The following SH3BP4 variants were observed in gnomAD, a reference collection of about 807,000 sequenced individuals.
SH3BP4 encodes SH3 domain binding protein 4, also known as SH3 domain-binding protein 4.
Under a neutral mutation model 65.5 loss-of-function variants are expected in SH3BP4, and 33 were observed. The observed-to-expected ratio is 0.50, with a 90% CI of 0.38 to 0.67. The LOEUF is 0.67. Among genes scored for constraint, SH3BP4 ranks in the 30% least tolerant of loss-of-function variants. SH3BP4 has a pLI of 0.00. For synonymous variants in SH3BP4, 552 were observed against 545.5 expected, an observed-to-expected ratio of 1.01 and a Z score of -0.17; for missense variants, 1,134 against 1,261.4, an observed-to-expected ratio of 0.90 and a Z score of 1.53.
intron 3 of SH3BP4, among the ~76,000 whole-genome samples, chr2:235,040,000 T>G (rs1695583284): frequency 6.6e-6 from 1 of 152,186 alleles, no homozygotes. Context: ...TTTGGGAGGC[T>G]GAGGCGGGAG....
chr2:235,028,824 A>G (rs763907455), intron 2 of SH3BP4, among the ~76,000 whole-genome samples: 6 of 152,198 alleles, frequency 3.9e-5, no homozygotes, highest in South Asian at 4.1e-4. Flanking sequence ...TTCTGGGCTG[A>G]GAGCACTGCA....
intron 4 of SH3BP4, among the ~76,000 whole-genome samples, chr2:235,051,765 C>T (rs920306470): frequency 1.1e-4 from 16 of 152,084 alleles, no homozygotes; most frequent in African/African-American, 1.9e-4. Context: ...CTTCTACCCG[C>T]GGTGCTCTCT....
At chr2:235,021,860 T>G (rs1694855292) in intron 2 of SH3BP4, among the ~76,000 whole-genome samples, 1 of 152,166 alleles carries the variant, frequency 6.6e-6, no homozygotes, top group African/African-American at 2.4e-5. Flanking sequence ...TGCATTAAGA[T>G]GACATCACAT....
chr2:235,004,462 C>T (rs1694229793), intron 2 of SH3BP4, among the ~76,000 whole-genome samples: 1 of 152,188 alleles, frequency 6.6e-6, no homozygotes, highest in African/African-American at 2.4e-5. Context: ...TGTGCAACCA[C>T]CACCTCTTAT....
chr2:235,032,856 A>C (rs191698247), intron 2 of SH3BP4, among the ~76,000 whole-genome samples: 20 of 152,254 alleles, frequency 1.3e-4, no homozygotes, highest in African/African-American at 1.9e-4. Context: ...GTTCTCCCCA[A>C]GGCGTAGTTC....
rs966427662 is a variant in SH3BP4 at position 235,042,338 on chromosome 2, G to A, written c.1569G>A (p.Leu523=). The change falls in exon 4 of 6, where the codon CTG becomes CTA. Residue 523 remains leucine (L), a synonymous_variant. Transcript: ENST00000392011. This position sits in a 1 kb window ranked among gnomAD's most constrained non-coding sequence, Gnocchi z 7.3. ...ACCCTGCCCCGGTGGCCCTGCAGCT[G>A]TGGGGGAAGCACCAGTTCGTTTTGT... is the stretch of plus-strand genomic sequence containing the variant. ...APNPAPVALQ[L]WGKHQFVLSR... 5.0e-6 allele frequency: 8 copies of A among 1,614,072 alleles called. No individual in the cohort carries two copies. The highest frequency in any genetic ancestry group is 1.6e-4 in the Middle Eastern group (1 of 6,084).
intron 1 of SH3BP4, among the ~76,000 whole-genome samples, chr2:234,965,036 C>T (rs916123817): frequency 1.5e-4 from 23 of 152,292 alleles, no homozygotes; most frequent in Non-Finnish European, 2.4e-4. Flanking sequence ...TCCCTCCCGG[C>T]CTGCTGTGAG....
chr2:235,052,411 A>C lies in SH3BP4; in HGVS notation c.2479-151A>C. On this transcript the variant is annotated intron_variant, in intron 4 of 5. Coordinates refer to ENST00000392011, the MANE Select transcript of SH3BP4 (RefSeq NM_014521.3). The surrounding 1 kb of genome is among the most constrained non-coding windows in gnomAD (Gnocchi z 5.0). ...TTTTCTCCCGTGAATCCTGGCAGTG[A>C]TCGATTTCAGGGGACATTTGGTAGT... The C allele has an allele frequency of 1.7e-6, 1 of 594,030 alleles. No homozygotes were observed. The allele number at this position is 594,030 out of a possible 1,614,324, so 36.8% of individuals were successfully genotyped here. A position where few individuals can be genotyped will look rare whatever the true frequency, so the allele number is the denominator to read the frequency against.
In SH3BP4 at chr2:235,041,500, C is replaced by T; in HGVS notation, c.731C>T (p.Ser244Phe). 2 of 1,614,192 alleles carry T rather than the reference C, an allele frequency of 1.2e-6. No homozygotes were observed. Among genetic ancestry groups the T allele is most frequent in the Non-Finnish European group, 1.7e-6 (2 of 1,180,044 alleles). Reference protein sequence around the residue: ...RDNPFFRSKRSYSLSELSVLQ... With the variant: ...RDNPFFRSKRFYSLSELSVLQ... ...AACCCCTTCTTCAGAAGCAAGCGCT[C>T]CTACAGTCTCTCGGAACTCTCCGTC... The change falls in exon 4 of 6, where the codon TCC (serine) becomes TTC (phenylalanine). Residue 244 changes from serine to phenylalanine, a missense_variant. Ser to Phe is a radical substitution (Grantham distance 155). Coordinates refer to ENST00000392011, the MANE Select transcript of SH3BP4 (RefSeq NM_014521.3). The surrounding 1 kb of genome is among the most constrained non-coding windows in gnomAD (Gnocchi z 6.0).
chr2:234,998,566 T>C (rs1266770175), intron 2 of SH3BP4, among the ~76,000 whole-genome samples: 1 of 152,214 alleles, frequency 6.6e-6, no homozygotes, highest in African/African-American at 2.4e-5. Flanking sequence ...TTGGTTTTGG[T>C]TTCGAGGTGA....
chr2:234,968,603 A>C (rs1035803961), intron 1 of SH3BP4, among the ~76,000 whole-genome samples: 1 of 152,012 alleles, frequency 6.6e-6, no homozygotes, highest in African/African-American at 2.4e-5. Flanking sequence ...AGTTAAATGA[A>C]GCTTGATTAT....
rs549079180 is a variant in SH3BP4, at chr2:235,025,340, C to T, written c.-132-9531C>T. Reference sequence around the variant, plus strand: ...GTCTGCGGACTTCCAGTCCCATCCACACCCAGAAGACATGGTGGGGGCCCC... The same window carrying T: ...GTCTGCGGACTTCCAGTCCCATCCATACCCAGAAGACATGGTGGGGGCCCC... On this transcript the variant is annotated intron_variant, in intron 2 of 5. Transcript: ENST00000392011. Among the ~76,000 whole-genome samples the T allele has an allele frequency of 9.8e-4, 149 of 152,338 alleles. 3 individuals carry two copies. The South Asian group carries it at 0.02, about 20-fold the overall frequency.
intron 3 of SH3BP4, among the ~76,000 whole-genome samples, chr2:235,036,740 A>AAAAAAAAATAATAATAAGAATAAT (rs146049108): frequency 7.1e-6 from 1 of 141,740 alleles, no homozygotes; most frequent in African/African-American, 2.7e-5. Context: ...TCTATATAAA[A>AAAAAAAAATAATAATAAGAATAAT]AATAATAATA....
rs1694225372 is a variant in SH3BP4, at chr2:235,004,321, A to G, written c.-133+8945A>G. ...CGCCTCGGTGGCACTGGACCTCTTT[A>G]GAGTGGCTTTGCTTCTTTACAGGGT... On this transcript the variant is annotated intron_variant, in intron 2 of 5. Coordinates refer to ENST00000392011, the MANE Select transcript of SH3BP4 (RefSeq NM_014521.3). Among the ~76,000 whole-genome samples, 2 of 152,140 alleles carry G rather than the reference A, an allele frequency of 1.3e-5. 1 individual carries two copies. The highest frequency in any genetic ancestry group is 4.1e-4 in the South Asian group (2 of 4,822).
intron 1 of SH3BP4, among the ~76,000 whole-genome samples, chr2:234,992,071 G>A (rs1452378496): frequency 3.3e-5 from 5 of 152,238 alleles, no homozygotes; most frequent in African/African-American, 1.2e-4. Flanking sequence ...GCTCCAGAGG[G>A]CTTGCAGGGC....
rs1695350499 is a variant in SH3BP4, at chr2:235,035,495, CT to C, written c.118+379del. ...TAGCTTCGGGGAGAGGTCAGCAAAC[CT>C]TTTCTCCAAACAGTCTGATGGGAAA... is the stretch of plus-strand genomic sequence containing the variant. On this transcript the variant is annotated intron_variant, in intron 3 of 5. Coordinates refer to ENST00000392011, the MANE Select transcript of SH3BP4 (RefSeq NM_014521.3). The surrounding 1 kb of genome is among the most constrained non-coding windows in gnomAD (Gnocchi z 5.0). Among the ~76,000 whole-genome samples, 1 of 152,190 alleles carries C rather than the reference CT, an allele frequency of 6.6e-6. No homozygotes were observed. Among genetic ancestry groups the C allele is most frequent in the Admixed American group, 6.5e-5 (1 of 15,280 alleles).
Position 235,035,467 on chromosome 2 carries a change from A to G in SH3BP4, c.118+347A>G, listed in dbSNP as rs577353483. Among the ~76,000 whole-genome samples the G allele has an allele frequency of 5.9e-5, 9 of 152,328 alleles. No homozygotes were observed. In the East Asian group the frequency reaches 1.2e-3, roughly 20 times the overall value. On this transcript the variant is annotated intron_variant, in intron 3 of 5. Transcript: ENST00000392011. This position sits in a 1 kb window ranked among gnomAD's most constrained non-coding sequence, Gnocchi z 5.0. ...ATTGAGAACCACTAGAGAAGAAAAA[A>G]GGTAGCTTCGGGGAGAGGTCAGCAA...
chr2:235,005,491 G>C (rs1201680817), intron 2 of SH3BP4, among the ~76,000 whole-genome samples: 1 of 152,092 alleles, frequency 6.6e-6, no homozygotes, highest in African/African-American at 2.4e-5. Flanking sequence ...TCCCTTTCCT[G>C]TTGGGGCCTT....
At position 234,982,828 on chromosome 2, in the gene SH3BP4, C is replaced by A. The variant is rs1156866431; in HGVS notation, c.-206-12475C>A. On this transcript the variant is annotated intron_variant, in intron 1 of 5. Transcript: ENST00000392011. ...GTGGGGTAGGGCAAACTGCAGAGAA[C>A]CCCGAAATGGGGCAGGGAAGCCTGG... 4.0e-5 allele frequency among the ~76,000 whole-genome samples: 6 copies of A among 151,728 alleles called. No homozygotes were observed. In the East Asian group the frequency reaches 1.2e-3, roughly 29 times the overall value.
Sources: allele counts gnomAD v4.1 joint callset (sites outside exome capture counted in the v4.1 genomes callset), GRCh38; gene constraint gnomAD v4.1.1; non-coding constraint Gnocchi (gnomAD v3.1); transcripts MANE v1.5; gene names NCBI Gene and HGNC (gene_info 2026-07-23, HGNC 2026-07-21).